The following NRG4 variants were observed in gnomAD, a reference collection of about 807,000 sequenced individuals.
NRG4 encodes the protein pro-neuregulin-4, membrane-bound isoform.
In NRG4, 10 loss-of-function variants were observed where a neutral mutation model predicts 15.0. The observed-to-expected ratio is 0.67, with a 90% CI of 0.41 to 1.13. The LOEUF (loss-of-function observed/expected upper bound fraction) is 1.13. NRG4 is among the 50% of genes most tolerant of loss of function. The pLI, the probability that NRG4 is intolerant of heterozygous loss-of-function variation, is 0.00. For synonymous variants in NRG4, 41 were observed against 50.1 expected (o/e 0.82, Z 0.77); for missense variants, 139 against 140.2 (o/e 0.99, Z 0.04).
intron 3 of NRG4, among the ~76,000 whole-genome samples, chr15:75,990,677 T>TG (rs1210676799): frequency 1.4e-5 from 2 of 147,340 alleles, no homozygotes; most frequent in Admixed American, 6.7e-5. Flanking sequence ...AATTGTTTTT[T>TG]TTTTTTGTTT....
intron 5 of NRG4, among the ~76,000 whole-genome samples, chr15:75,954,431 CTT>C (rs35801035): frequency 0.45 from 59,383 of 131,734 alleles, 12,420 homozygotes; most frequent in South Asian, 0.68. Context: ...ATTTCAATTT[CTT>C]TTTTTTTTTT....
At chr15:75,966,091 A>T (rs1321730497) in intron 3 of NRG4, among the ~76,000 whole-genome samples, 1 of 152,090 alleles carries the variant, frequency 6.6e-6, no homozygotes, top group Non-Finnish European at 1.5e-5. Context: ...AGTTATACAA[A>T]TTGGTTTTCT....
chr15:76,044,166 T>A (rs552118144), intron 4 of NRG4, among the ~76,000 whole-genome samples: 1 of 129,052 alleles, frequency 7.7e-6, no homozygotes, highest in East Asian at 2.0e-4. Flanking sequence ...CCCGGCTAAT[T>A]TTTTTTTTTG....
intron 5 of NRG4, among the ~76,000 whole-genome samples, chr15:75,943,880 T>C (rs1007233487): frequency 6.6e-6 from 1 of 152,092 alleles, no homozygotes; most frequent in Admixed American, 6.5e-5. Context: ...AAGTCTCACA[T>C]ATAAAGTTCC....
intron 3 of NRG4, among the ~76,000 whole-genome samples, chr15:75,965,055 C>T (rs2032730738): frequency 2.6e-5 from 4 of 152,150 alleles, no homozygotes; most frequent in African/African-American, 9.6e-5. Flanking sequence ...GAAACCCTGT[C>T]TTTACTAAAA....
intron 3 of NRG4, among the ~76,000 whole-genome samples, chr15:75,964,149 A>G (rs935493348): frequency 1.3e-5 from 2 of 152,144 alleles, no homozygotes; most frequent in Non-Finnish European, 2.9e-5. Context: ...ATAAACACAC[A>G]TAAACACACA....
intron 4 of NRG4, among the ~76,000 whole-genome samples, chr15:76,051,660 T>C (rs569878383): frequency 1.4e-5 from 2 of 147,368 alleles, no homozygotes; most frequent in East Asian, 4.0e-4. Context: ...GCCTCCGGGG[T>C]TCATGCCATT....
intron 4 of NRG4, among the ~76,000 whole-genome samples, chr15:76,045,761 A>G (rs975966393): frequency 2.0e-5 from 3 of 150,588 alleles, no homozygotes; most frequent in Non-Finnish European, 4.4e-5. Context: ...GAGTGGAAAG[A>G]TGGTTACCAG....
downstream of NRG4, chr15:75,935,767 AAAT>A (rs1157234981): frequency 6.6e-6 from 1 of 152,052 alleles, no homozygotes; most frequent in African/African-American, 2.4e-5. Flanking sequence ...ATTACAATAG[AAAT>A]AAACTTTTAC....
intron 5 of NRG4, among the ~76,000 whole-genome samples, chr15:75,944,284 TA>T (rs1254105501): frequency 4.1e-5 from 6 of 146,764 alleles, no homozygotes; most frequent in Non-Finnish European, 8.9e-5. Context: ...TTATAGGAGT[TA>T]AAATATTTGA....
At chr15:76,020,552 A>G (rs2035120379) in intron 5 of NRG4, among the ~76,000 whole-genome samples, 1 of 152,194 alleles carries the variant, frequency 6.6e-6, no homozygotes, top group African/African-American at 2.4e-5. Context: ...TGGAAAAATA[A>G]TTGTCTTGGG....
intron 5 of NRG4, 124 bp downstream of exon 5, chr15:75,955,808 A>T: frequency 2.0e-6 from 1 of 493,310 alleles, no homozygotes; most frequent in Non-Finnish European, 3.6e-6. Flanking sequence ...AAAAAAAAAA[A>T]ACCCATAGAA....
intron 1 of NRG4, among the ~76,000 whole-genome samples, chr15:76,057,645 C>T (rs1272430475): frequency 6.6e-6 from 1 of 152,056 alleles, no homozygotes; most frequent in Non-Finnish European, 1.5e-5. Context: ...ATAGAGTTGA[C>T]AAATTATACA....
chr15:75,990,684 GTT>G (rs1254138831), intron 3 of NRG4, among the ~76,000 whole-genome samples: 6 of 102,266 alleles, frequency 5.9e-5, no homozygotes, highest in African/African-American at 1.0e-4. Flanking sequence ...TTTTTTTTTT[GTT>G]TTTTTTTTTT....
At chr15:75,963,061 T>C (rs1377091075) in intron 3 of NRG4, among the ~76,000 whole-genome samples, 1 of 152,224 alleles carries the variant, frequency 6.6e-6, no homozygotes, top group East Asian at 1.9e-4. Flanking sequence ...CTAGCTTTGA[T>C]AACTAATGTG....
chr15:76,007,427 C>CTTTT (rs61259541), intron 3 of NRG4, among the ~76,000 whole-genome samples: 3 of 133,528 alleles, frequency 2.2e-5, no homozygotes, highest in Non-Finnish European at 3.2e-5. Flanking sequence ...ATTAAACGCA[C>CTTTT]TTTTTTTTTT....
chr15:76,021,662 A>G (rs553367860), intron 5 of NRG4, among the ~76,000 whole-genome samples: 34 of 152,348 alleles, frequency 2.2e-4, no homozygotes, highest in Middle Eastern at 6.8e-3. Context: ...TATTATGAAA[A>G]TGACTACTAA....
chr15:75,948,343 T>TTATG (rs1489688208), intron 5 of NRG4, among the ~76,000 whole-genome samples: 1 of 150,974 alleles, frequency 6.6e-6, no homozygotes, highest in African/African-American at 2.4e-5. Flanking sequence ...ATTTATTTAT[T>TTATG]TATTGAGATG....
At chr15:75,995,657 C>G (rs2034187549) in intron 3 of NRG4, among the ~76,000 whole-genome samples, 1 of 152,074 alleles carries the variant, frequency 6.6e-6, no homozygotes, top group Non-Finnish European at 1.5e-5. Flanking sequence ...ATACTTAGAG[C>G]TGAAGGAAAT....
Sources: gnomAD v4.1 joint callset for allele counts (sites outside exome capture counted in the v4.1 genomes callset) on GRCh38, gnomAD v4.1.1 for gene constraint, MANE v1.5 for transcripts, NCBI Gene and HGNC (gene_info 2026-07-23, HGNC 2026-07-21) for gene names.